GREB1L: variants seen among roughly 807,000 people sequenced by gnomAD.
GREB1L encodes GREB1-like protein.
GREB1L carries 17 observed loss-of-function variants against 200.8 expected under a neutral mutation model. That is an observed-to-expected ratio of 0.08 (90% CI 0.06 to 0.13). The LOEUF (loss-of-function observed/expected upper bound fraction) is 0.13, where lower values mean the gene tolerates loss of function less well. Among genes scored for constraint, GREB1L ranks in the 10% least tolerant of loss-of-function variants. GREB1L has a pLI of 1.00. For missense variants in GREB1L, 1,657 were observed against 2,367.7 expected, an observed-to-expected ratio of 0.70 and a Z score of 6.23; for synonymous variants, 789 against 893.0, an observed-to-expected ratio of 0.88 and a Z score of 2.08.
intron 1 of GREB1L, among the ~76,000 whole-genome samples, chr18:21,275,676 C>G (rs1283987076): frequency 6.6e-6 from 1 of 152,112 alleles, no homozygotes; most frequent in East Asian, 1.9e-4. Context: ...TGTTAATATT[C>G]TCTACATATA....
chr18:21,462,867 CTTAAAA>C (rs1368266451), intron 15 of GREB1L, among the ~76,000 whole-genome samples: 2 of 152,114 alleles, frequency 1.3e-5, no homozygotes, highest in Non-Finnish European at 2.9e-5. Context: ...GAAAGGCAAA[CTTAAAA>C]TTTAATACAA....
chr18:21,308,504 C>T (rs1340870756), intron 1 of GREB1L, among the ~76,000 whole-genome samples: 2 of 152,226 alleles, frequency 1.3e-5, no homozygotes, highest in Non-Finnish European at 2.9e-5. Context: ...CCACTATCAC[C>T]GTCGTCATCA....
Position 21,500,130 on chromosome 18 carries a change from G to A in GREB1L, c.3793G>A (p.Val1265Met), listed in dbSNP as rs1266307352. 1.9e-6 allele frequency: 3 copies of A among 1,551,540 alleles called. No homozygotes were observed. The highest frequency in any genetic ancestry group is 1.4e-5 in the African/African-American group (1 of 73,066). The change falls in exon 22 of 33, where the codon GTG becomes ATG. Residue 1265 changes from valine to methionine, a missense_variant. Transcript: ENST00000424526. ...GCTGCCCCACGCCGACGTGGCCTGG[G>A]TGAGCTCCCTGCGGCCACTCCTGAA... ...SLLPHADVAW[V>M]SSLRPLLNKD...
At chr18:21,352,049 T>C (rs1166041127) in intron 1 of GREB1L, among the ~76,000 whole-genome samples, 1 of 151,988 alleles carries the variant, frequency 6.6e-6, no homozygotes, top group Non-Finnish European at 1.5e-5. Context: ...GGTTTCACCA[T>C]GTTGGCCAGG....
intron 4 of GREB1L, among the ~76,000 whole-genome samples, chr18:21,395,105 CAAAAAAAAAAAA>C (rs372663303): frequency 6.2e-5 from 4 of 64,064 alleles, no homozygotes; most frequent in African/African-American, 1.9e-4. Flanking sequence ...GACTCCATCT[CAAAAAAAAAAAA>C]AAAAAGAAAA....
intron 1 of GREB1L, among the ~76,000 whole-genome samples, chr18:21,313,927 T>C (rs755834288): frequency 6.6e-6 from 1 of 152,238 alleles, no homozygotes; most frequent in Non-Finnish European, 1.5e-5. Context: ...CTTTACTCAC[T>C]GTTTGTATGG....
chr18:21,522,362 T>A (rs998938509), intron 32 of GREB1L, among the ~76,000 whole-genome samples: 8 of 151,214 alleles, frequency 5.3e-5, no homozygotes, highest in Non-Finnish European at 1.0e-4. Flanking sequence ...TAGTCTCAGC[T>A]ACTTGGGAGG....
intron 15 of GREB1L, chr18:21,454,911 T>C: frequency 2.9e-6 from 1 of 344,528 alleles, no homozygotes; most frequent in South Asian, 2.5e-5. Flanking sequence ...CCTGAACTCC[T>C]CCCACCTGCA....
intron 23 of GREB1L, among the ~76,000 whole-genome samples, chr18:21,502,779 C>T (rs2036851994): frequency 6.6e-6 from 1 of 152,194 alleles, no homozygotes; most frequent in South Asian, 2.1e-4. Flanking sequence ...GAGTCGAGGC[C>T]TGCCCTTCTG....
In GREB1L at chr18:21,440,683, G is replaced by A. The variant is rs140716566; in HGVS notation, c.1069+295G>A. On this transcript the variant is annotated intron_variant, in intron 9 of 32. Coordinates refer to ENST00000424526, the MANE Select transcript of GREB1L (RefSeq NM_001142966.3). ...TATATGGACTTGTTTTGCTAGTAGT[G>A]GTGTTAGATTTTCCCTGCTGTTATC... Among the ~76,000 whole-genome samples the A allele has an allele frequency of 7.9e-5, 12 of 152,250 alleles. No homozygotes were observed. The Middle Eastern group carries it at 0.014, about 173-fold the overall frequency.
At chr18:21,493,023 T>C (rs1169086320) in intron 19 of GREB1L, among the ~76,000 whole-genome samples, 1 of 152,200 alleles carries the variant, frequency 6.6e-6, no homozygotes, top group Non-Finnish European at 1.5e-5. Context: ...TTTTATACTC[T>C]GTATTTGTGT....
intron 1 of GREB1L, among the ~76,000 whole-genome samples, chr18:21,254,213 G>T (rs1222654449): frequency 6.6e-6 from 1 of 151,676 alleles, no homozygotes; most frequent in African/African-American, 2.4e-5. Context: ...GGGATTACAG[G>T]CACACTTCAT....
chr18:21,268,548 CACACACACACACATATATAT>C (rs1172914214), intron 1 of GREB1L, among the ~76,000 whole-genome samples: 3 of 99,062 alleles, frequency 3.0e-5, no homozygotes, highest in African/African-American at 1.6e-4. Context: ...CACACACACA[CACACACACACACATATATAT>C]ATATATATAT....
intron 1 of GREB1L, among the ~76,000 whole-genome samples, chr18:21,289,389 A>G (rs2038410479): frequency 6.6e-6 from 1 of 151,984 alleles, no homozygotes; most frequent in African/African-American, 2.4e-5. Flanking sequence ...CCTCTCTCCA[A>G]AAAAACATTT....
intron 19 of GREB1L, 76 bp from the exon 20 acceptor site, chr18:21,495,594 T>C: frequency 1.3e-6 from 1 of 761,578 alleles, no homozygotes; most frequent in Non-Finnish European, 2.2e-6. Context: ...GTCTAAAATC[T>C]GGACTCAGAA....
intron 1 of GREB1L, among the ~76,000 whole-genome samples, chr18:21,354,335 C>T (rs2039474506): frequency 6.6e-6 from 1 of 152,046 alleles, no homozygotes; most frequent in South Asian, 2.1e-4. Context: ...TGCCTGCAGT[C>T]CCAACACTTA....
At chr18:21,361,187 G>C (rs1463150172) in intron 1 of GREB1L, among the ~76,000 whole-genome samples, 2 of 152,172 alleles carry the variant, frequency 1.3e-5, no homozygotes, top group Non-Finnish European at 2.9e-5. Context: ...TATACACTGG[G>C]AAAAGCTTGT....
chr18:21,492,268 C>A (rs1334515944), intron 19 of GREB1L, among the ~76,000 whole-genome samples: 2 of 151,944 alleles, frequency 1.3e-5, no homozygotes, highest in Non-Finnish European at 2.9e-5. Flanking sequence ...ATGGCGTGAA[C>A]CCGGGAGGCG....
chr18:21,514,072 AAG>A, intron 28 of GREB1L, 86 bp downstream of exon 28: 1 of 1,310,370 alleles, frequency 7.6e-7, no homozygotes, highest in Non-Finnish European at 1.0e-6. Flanking sequence ...GGAAGTAAGA[AAG>A]AGAGAGACAG....
Sources: allele counts gnomAD v4.1 joint callset (sites outside exome capture counted in the v4.1 genomes callset), GRCh38; gene constraint gnomAD v4.1.1; transcripts MANE v1.5; gene names NCBI Gene and HGNC (gene_info 2026-07-23, HGNC 2026-07-21).